Variants in DNAAF5 observed in about 807,000 individuals in gnomAD.
DNAAF5 encodes dynein axonemal assembly factor 5, also known as HEAT repeat containing 2.
A neutral mutation model predicts 75.8 loss-of-function variants in DNAAF5; 64 were observed. That is an observed-to-expected ratio of 0.84 (90% CI 0.69 to 1.04). DNAAF5 has a LOEUF of 1.04. Ranked by LOEUF, DNAAF5 falls within the 50% of genes least tolerant of loss-of-function variation. The pLI, the probability that DNAAF5 is intolerant of heterozygous loss-of-function variation, is 0.00. For synonymous variants in DNAAF5, 657 were observed against 557.2 expected (o/e 1.18, Z -2.52); for missense variants, 1,269 against 1,178.5 (o/e 1.08, Z -1.12).
Position 741,770 on chromosome 7 carries a change from C to A in DNAAF5, c.1024+305C>A, listed in dbSNP as rs191277580. On this transcript the variant is annotated intron_variant, in intron 4 of 12. Coordinates refer to ENST00000297440, the MANE Select transcript of DNAAF5 (RefSeq NM_017802.4). ...CGCACTGCCAGATGGTGTCCGCCCC[C>A]CTCCGTTGGCTGTGCACACAAGGGT... 3.5e-3 allele frequency among the ~76,000 whole-genome samples: 526 copies of A among 152,312 alleles called. 8 individuals carry two copies. The highest frequency in any genetic ancestry group is 0.012 in the African/African-American group (508 of 41,570).
intron 8 of DNAAF5, among the ~76,000 whole-genome samples, chr7:764,656 C>T (rs1247590600): frequency 6.6e-6 from 1 of 152,236 alleles, no homozygotes; most frequent in African/African-American, 2.4e-5. Flanking sequence ...TCTGAGGATG[C>T]TAAGATCGTT....
At chr7:733,095 A>G (rs1781634813) in intron 2 of DNAAF5, among the ~76,000 whole-genome samples, 1 of 152,226 alleles carries the variant, frequency 6.6e-6, no homozygotes, top group Non-Finnish European at 1.5e-5. Context: ...CTGTAAATGT[A>G]TGGATTTAAT....
At chr7:784,704 G>C (rs936127385) in intron 12 of DNAAF5, among the ~76,000 whole-genome samples, 1 of 152,164 alleles carries the variant, frequency 6.6e-6, no homozygotes, top group South Asian at 2.1e-4. Context: ...TGCCTGGCCC[G>C]TGGGAGGTTT....
chr7:760,041 C>T (rs1398598386), intron 6 of DNAAF5, among the ~76,000 whole-genome samples: 1 of 148,748 alleles, frequency 6.7e-6, no homozygotes, highest in Non-Finnish European at 1.5e-5. Context: ...CAGGGCCACA[C>T]GGCTCCTCCA....
At position 754,187 on chromosome 7, in the gene DNAAF5, C is replaced by G. The variant is rs1388798796; in HGVS notation, c.1025-402C>G. On this transcript the variant is annotated intron_variant, in intron 4 of 12. Transcript: ENST00000297440. The surrounding 1 kb of genome is among the most constrained non-coding windows in gnomAD (Gnocchi z 4.8). The stretch of plus-strand genomic sequence containing the variant: ...GGCTCTAAATGTTTGTTTTTTGAGA[C>G]AGGGTCTCGCTCTGTCACCCAGGCT... Among the ~76,000 whole-genome samples the G allele has an allele frequency of 6.6e-6, 1 of 152,214 alleles. No individual in the cohort carries two copies. The highest frequency in any genetic ancestry group is 2.4e-5 in the African/African-American group (1 of 41,446).
Position 761,734 on chromosome 7 carries a change from T to C in DNAAF5, c.1471-19T>C. The C allele has an allele frequency of 6.3e-7, 1 of 1,587,454 alleles. No homozygotes were observed. The highest frequency in any genetic ancestry group is 8.6e-7 in the Non-Finnish European group (1 of 1,168,018). ...ACCAAATTGTACCAAGCTCTGACGG[T>C]GCTGCCGGTCTCTTCCAGGACCTCT... On this transcript the variant is annotated intron_variant, in intron 6 of 12. Transcript: ENST00000297440.
At chr7:731,921 C>T (rs957556820) in intron 2 of DNAAF5, among the ~76,000 whole-genome samples, 1 of 152,180 alleles carries the variant, frequency 6.6e-6, no homozygotes, top group East Asian at 1.9e-4. Context: ...ACACCTCCAC[C>T]CCCTCAACAA....
At chr7:753,598 C>CAT (rs1387531787) in intron 4 of DNAAF5, among the ~76,000 whole-genome samples, 1 of 53,118 alleles carries the variant, frequency 1.9e-5, no homozygotes, top group Non-Finnish European at 4.4e-5. Context: ...GCTTCACAGA[C>CAT]GTGTCTCTCA....
intron 6 of DNAAF5, among the ~76,000 whole-genome samples, chr7:758,552 C>A (rs1301753953): frequency 6.6e-6 from 1 of 152,240 alleles, no homozygotes; most frequent in Non-Finnish European, 1.5e-5. Flanking sequence ...CAGTGAAAAC[C>A]CAAGACGTAC....
intron 3 of DNAAF5, among the ~76,000 whole-genome samples, 187 bp downstream of exon 3, chr7:741,130 A>G (rs1276393019): frequency 6.6e-6 from 1 of 152,176 alleles, no homozygotes; most frequent in Non-Finnish European, 1.5e-5. Flanking sequence ...TTAACATTGG[A>G]CTGAGTATAT....
intron 4 of DNAAF5, among the ~76,000 whole-genome samples, chr7:743,057 C>T (rs1259239113): frequency 6.6e-6 from 1 of 152,178 alleles, no homozygotes; most frequent in Non-Finnish European, 1.5e-5. Flanking sequence ...TGTATTCCGT[C>T]AAATACAGCA....
In DNAAF5 at chr7:770,627, G is replaced by A. The variant is rs1420895716; in HGVS notation, c.1931+9G>A. On this transcript the variant is annotated intron_variant, in intron 9 of 12. Transcript: ENST00000297440. ...ACCATCAACTCCCAGGGGTAGGTCC[G>A]GGCTCTGCCTCTGCACGGCCCCCAG... 36 of 1,611,730 alleles carry A rather than the reference G, an allele frequency of 2.2e-5. No individual in the cohort carries two copies. Among genetic ancestry groups the A allele is most frequent in the East Asian group, 6.7e-5 (3 of 44,868 alleles).
At position 763,906 on chromosome 7, in the gene DNAAF5, C is replaced by T. The variant is rs147690117; in HGVS notation, c.1715C>T (p.Ala572Val). ...HIGPLLERVT[A>V]SHLDWTAHSP... ...GGTCCCCTCCTGGAGCGGGTGACCG[C>T]GTCGCACCTTGACTGGACCGCACAC... The change falls in exon 8 of 13, where the codon GCG becomes GTG. Residue 572 changes from alanine (A) to valine (V), a missense_variant. By Grantham distance (64) the Ala-to-Val change is moderately conservative. Transcript: ENST00000297440. The T allele has an allele frequency of 2.7e-5, 43 of 1,612,170 alleles. No individual in the cohort carries two copies. The highest frequency in any genetic ancestry group is 1.6e-4 in the East Asian group (7 of 44,888).
chr7:763,726 G>A, intron 7 of DNAAF5, 80 bp from the exon 8 acceptor site: 1 of 1,476,330 alleles, frequency 6.8e-7, no homozygotes, highest in Admixed American at 1.7e-5. Flanking sequence ...ACGCGTGAGG[G>A]GGATAGTGAG....
At position 752,239 on chromosome 7, in the gene DNAAF5, C is replaced by T. The variant is rs113365063; in HGVS notation, c.1025-2350C>T. On this transcript the variant is annotated intron_variant, in intron 4 of 12. Coordinates refer to ENST00000297440, the MANE Select transcript of DNAAF5 (RefSeq NM_017802.4). ...AGTGAACTTGGAGTCAAAAAATTAA[C>T]CCCAGATGCGTCAGGGATCTGAAGG... Among the ~76,000 whole-genome samples the T allele has an allele frequency of 3.4e-3, 521 of 152,382 alleles. 6 individuals carry two copies. Among genetic ancestry groups the T allele is most frequent in the African/African-American group, 0.012 (483 of 41,594 alleles).
intron 2 of DNAAF5, among the ~76,000 whole-genome samples, chr7:730,891 G>A (rs1160816407): frequency 7.9e-5 from 12 of 152,312 alleles, no homozygotes; most frequent in African/African-American, 1.4e-4. Context: ...GCGTGGGTTC[G>A]GCACCAGGCA....
At chr7:767,731 G>GGAGGA (rs2128082288) in intron 8 of DNAAF5, among the ~76,000 whole-genome samples, 1 of 151,732 alleles carries the variant, frequency 6.6e-6, no homozygotes, top group Non-Finnish European at 1.5e-5. Context: ...CGTGCTGCGA[G>GGAGGA]GCGGAGCTGG....
At chr7:736,920 T>C (rs1038105328) in intron 2 of DNAAF5, among the ~76,000 whole-genome samples, 2 of 152,120 alleles carry the variant, frequency 1.3e-5, no homozygotes, top group Non-Finnish European at 2.9e-5. Context: ...CATAACCCAT[T>C]ATTTTAAACT....
intron 6 of DNAAF5, among the ~76,000 whole-genome samples, chr7:757,448 A>G (rs1018754342): frequency 1.3e-5 from 2 of 152,176 alleles, no homozygotes; most frequent in Non-Finnish European, 2.9e-5. Context: ...CATCCCATCC[A>G]GTCCCCAGGG....
Sources: gnomAD v4.1 joint callset for allele counts (sites outside exome capture counted in the v4.1 genomes callset) on GRCh38, gnomAD v4.1.1 for gene constraint, Gnocchi (gnomAD v3.1) non-coding constraint, MANE v1.5 for transcripts, NCBI Gene and HGNC (gene_info 2026-07-23, HGNC 2026-07-21) for gene names.